Variants in YIF1B observed in about 807,000 individuals in gnomAD.
The protein encoded by YIF1B is protein YIF1B.
YIF1B carries 24 observed loss-of-function variants against 34.6 expected under a neutral mutation model. That is an observed-to-expected ratio of 0.69 (90% CI 0.50 to 0.98). The LOEUF is 0.98. Among genes scored for constraint, YIF1B ranks in the 50% least tolerant of loss-of-function variants. The pLI is 0.00. For synonymous variants in YIF1B, 186 were observed against 184.8 expected (o/e 1.01, Z -0.05); for missense variants, 368 against 429.4 (o/e 0.86, Z 1.26).
chr19:38,304,297 G>A lies in YIF1B; in HGVS notation c.*1055C>T. On this transcript the variant is annotated 3_prime_UTR_variant, in exon 8 of 8. Coordinates refer to ENST00000339413, the MANE Select transcript of YIF1B (RefSeq NM_001039672.3). ...ACCTGGGAGCAGGTGAGCTCCTGGG[G>A]AGTGTGGACTGGAGGTGCAGGGGGC... is the stretch of plus-strand genomic sequence containing the variant. The A allele has an allele frequency of 6.2e-7, 1 of 1,613,744 alleles. No homozygotes were observed. The highest frequency in any genetic ancestry group is 8.5e-7 in the Non-Finnish European group (1 of 1,180,008).
At chr19:38,316,577 A>G (rs1183849911), upstream of YIF1B, among the ~76,000 whole-genome samples, 3 of 152,342 alleles carry the variant, frequency 2.0e-5, no homozygotes, top group East Asian at 5.8e-4. Context: ...CATTGAGAGC[A>G]CTGGAGAGCC....
upstream of YIF1B, among the ~76,000 whole-genome samples, chr19:38,316,798 C>A (rs947668131): frequency 6.6e-6 from 1 of 152,110 alleles, no homozygotes; most frequent in Non-Finnish European, 1.5e-5. Flanking sequence ...GTAACTGGCA[C>A]CACAGGCATG....
intron 1 of YIF1B, among the ~76,000 whole-genome samples, chr19:38,310,599 G>A (rs369493116): frequency 1.3e-5 from 2 of 152,076 alleles, no homozygotes; most frequent in African/African-American, 4.8e-5. Flanking sequence ...CGAGAGGAAG[G>A]GGGGGCTATT....
At position 38,303,576 on chromosome 19, in the gene YIF1B, T is replaced by C. The variant is rs1968856396; in HGVS notation, c.*1776A>G. ...GCCACCATGACTGGCCTAAAACACC[T>C]ACCTTTTATTTTTTAAAAAACCAAC... is the stretch of plus-strand genomic sequence containing the variant. On this transcript the variant is annotated 3_prime_UTR_variant, in exon 8 of 8. Coordinates refer to ENST00000339413, the MANE Select transcript of YIF1B (RefSeq NM_001039672.3). Among the ~76,000 whole-genome samples the C allele has an allele frequency of 1.3e-5, 2 of 152,112 alleles. No homozygotes were observed. The highest frequency in any genetic ancestry group is 4.1e-4 in the South Asian group (2 of 4,832).
At chr19:38,312,227 C>T (rs1046606021) in intron 1 of YIF1B, among the ~76,000 whole-genome samples, 1 of 152,074 alleles carries the variant, frequency 6.6e-6, no homozygotes, top group Non-Finnish European at 1.5e-5. Context: ...TCAAGACCAG[C>T]CTGGCCAACA....
chr19:38,313,897 G>A (rs764563848), intron 1 of YIF1B, among the ~76,000 whole-genome samples: 2 of 152,248 alleles, frequency 1.3e-5, no homozygotes, highest in East Asian at 1.9e-4. Flanking sequence ...CACTAACCTC[G>A]TCTGGTTCCT....
In YIF1B at chr19:38,304,742, C is replaced by T. The variant is rs1968915209; in HGVS notation, c.*610G>A. On this transcript the variant is annotated 3_prime_UTR_variant, in exon 8 of 8. Coordinates refer to ENST00000339413, the MANE Select transcript of YIF1B (RefSeq NM_001039672.3). ...CGTGCCCTGCACCCCAGAGAGGCGT[C>T]CCCGCACTGGGGCTGGCGGGGAGGG... The T allele has an allele frequency of 5.0e-6, 8 of 1,612,512 alleles. No individual in the cohort carries two copies. The South Asian group carries it at 8.8e-5, about 18-fold the overall frequency.
At chr19:38,320,201 C>T (rs1273011191), upstream of YIF1B, 1 of 1,602,418 alleles carries the variant, frequency 6.2e-7, no homozygotes, top group Non-Finnish European at 8.5e-7. Context: ...TCGGGGTCCG[C>T]CAACGCCTCG....
chr19:38,305,657 C>T, intron 7 of YIF1B, 150 bp from the exon 8 acceptor site: 1 of 1,214,444 alleles, frequency 8.2e-7, no homozygotes, highest in Middle Eastern at 3.0e-4. Flanking sequence ...GGTTTCTGCT[C>T]CCGGGGCCTC....
chr19:38,309,242 G>T lies in YIF1B; in HGVS notation c.384C>A (p.Phe128Leu), dbSNP rs141058630. Residue 128 changes from phenylalanine (F) to leucine (L), a missense_variant, in exon 3 of 8, where the codon TTC becomes TTA. Physicochemically the swap from Phe to Leu is conservative, Grantham distance 22 (BLOSUM62 0). Coordinates refer to ENST00000339413, the MANE Select transcript of YIF1B (RefSeq NM_001039672.3). ...MYVGRKLGLL[F>L]FPYLHQDWEV... ...TGCTGACCTGGTGTAGGTAGGGGAA[G>T]AACAGCAGGCCCAGCTTTCTGCCCA... The T allele has an allele frequency of 1.1e-4, 183 of 1,613,918 alleles. No individual in the cohort carries two copies. Among genetic ancestry groups the T allele is most frequent in the Middle Eastern group, 4.9e-4 (3 of 6,082 alleles).
chr19:38,305,552 C>A lies in YIF1B; in HGVS notation c.790-45G>T, dbSNP rs763265295. On this transcript the variant is annotated intron_variant, in intron 7 of 7. Transcript: ENST00000339413. ...AGGAACCAAGGGATTTACCCTTGAGCCCTCTGGGCCAGAGTGAGAGCCCGG... is the reference window on the plus strand; with the variant it reads ...AGGAACCAAGGGATTTACCCTTGAGACCTCTGGGCCAGAGTGAGAGCCCGG... The A allele has an allele frequency of 4.5e-6, 7 of 1,562,350 alleles. No individual in the cohort carries two copies. In the African/African-American group the frequency reaches 8.1e-5, roughly 18 times the overall value.
At chr19:38,309,702 C>G in intron 1 of YIF1B, 59 bp from the exon 2 acceptor site, 1 of 1,541,210 alleles carries the variant, frequency 6.5e-7, no homozygotes, top group Non-Finnish European at 8.7e-7. Flanking sequence ...GGAGACCTGG[C>G]GAACCTCATT....
In YIF1B at chr19:38,304,496, T is replaced by C; in HGVS notation, c.*856A>G. 1 of 1,557,444 alleles carries C rather than the reference T, an allele frequency of 6.4e-7. No homozygotes were observed. The highest frequency in any genetic ancestry group is 8.7e-7 in the Non-Finnish European group (1 of 1,150,812). On this transcript the variant is annotated 3_prime_UTR_variant, in exon 8 of 8. Coordinates refer to ENST00000339413, the MANE Select transcript of YIF1B (RefSeq NM_001039672.3). ...GGGCAGGTCCGGGTCCAAAGGTAAG[T>C]CGCCTCATCACCGGCTGCGGAGGGG...
Position 38,305,091 on chromosome 19 carries a change from G to A in YIF1B, c.*261C>T, listed in dbSNP as rs145541544. 0.018 allele frequency: 26,854 copies of A among 1,488,100 alleles called. 280 individuals carry two copies. Among genetic ancestry groups the A allele is most frequent in the Non-Finnish European group, 0.021 (23,892 of 1,113,336 alleles). The allele number at this position is 1,488,100 out of a possible 1,614,324, so 92.2% of individuals were successfully genotyped here. A position where few individuals can be genotyped will look rare whatever the true frequency, so the allele number is the denominator to read the frequency against. On this transcript the variant is annotated 3_prime_UTR_variant, in exon 8 of 8. Transcript: ENST00000339413. ...GCGCTGGGCCCGCCCATTCGTGCGC[G>A]AGGCCAAGGAGAGGCTGTCCACGCC...
At chr19:38,319,382 G>A (rs1193138958), upstream of YIF1B, among the ~76,000 whole-genome samples, 1 of 152,170 alleles carries the variant, frequency 6.6e-6, no homozygotes, top group Non-Finnish European at 1.5e-5. Context: ...AAGCTTTGGT[G>A]AGTAGCTGAG....
At chr19:38,314,444 C>T (rs966449398) in intron 1 of YIF1B, among the ~76,000 whole-genome samples, 20 of 151,976 alleles carry the variant, frequency 1.3e-4, no homozygotes, top group Admixed American at 3.3e-4. Context: ...CCTCCCACCT[C>T]GGCCTCCCAA....
chr19:38,315,318 T>TG, intron 1 of YIF1B: 1 of 1,011,396 alleles, frequency 9.9e-7, no homozygotes, highest in South Asian at 3.8e-5. Flanking sequence ...CTGGGTCATG[T>TG]GCCTCCTCAG....
rs945114184 is a variant in YIF1B, at chr19:38,305,270, G to A, written c.*82C>T. The A allele has an allele frequency of 1.8e-5, 28 of 1,528,774 alleles. No homozygotes were observed. The highest frequency in any genetic ancestry group is 2.5e-5 in the Non-Finnish European group (28 of 1,136,724). The allele number at this position is 1,528,774 out of a possible 1,614,324, so 94.7% of individuals were successfully genotyped here. On this transcript the variant is annotated 3_prime_UTR_variant, in exon 8 of 8. Coordinates refer to ENST00000339413, the MANE Select transcript of YIF1B (RefSeq NM_001039672.3). ...CTGTGGCCAGACAGGGTGGACCTTG[G>A]GGCCTGCAGGCAGGAGATGAGTTCG...
At position 38,305,435 on chromosome 19, in the gene YIF1B, G is replaced by A. The variant is rs1968967365; in HGVS notation, c.862C>T (p.Gln288Ter). ...GCCATGGTCAGGTACATGCGCAGCT[G>A]GTTCCGGGCCCCACGCACCGGGACC... is the stretch of plus-strand genomic sequence containing the variant. The part of the protein sequence containing the change: ...EGVPVRGARN[Q>*]LRMYLTMAVA... Residue 288 changes from glutamine to a stop codon, truncating the protein, a stop_gained, in exon 8 of 8, where the codon CAG becomes TAG. Transcript: ENST00000339413. LOFTEE classifies it high-confidence loss of function. 1.2e-6 allele frequency: 2 copies of A among 1,610,392 alleles called. No homozygotes were observed. The highest frequency in any genetic ancestry group is 1.7e-6 in the Non-Finnish European group (2 of 1,178,276).
Sources: allele counts gnomAD v4.1 joint callset (sites outside exome capture counted in the v4.1 genomes callset), GRCh38; gene constraint gnomAD v4.1.1; transcripts MANE v1.5; gene names NCBI Gene and HGNC (gene_info 2026-07-23, HGNC 2026-07-21).